ADAM32: variants seen among roughly 807,000 people sequenced by gnomAD.
The protein encoded by ADAM32 is ADAM metallopeptidase domain 32.
Under a neutral mutation model 114.9 loss-of-function variants are expected in ADAM32, and 89 were observed. The observed-to-expected ratio is 0.77, with a 90% CI of 0.65 to 0.92. The LOEUF (loss-of-function observed/expected upper bound fraction) is 0.92, where lower values mean the gene tolerates loss of function less well. ADAM32 is among the 40% of genes least tolerant of loss of function. The pLI, the probability that ADAM32 is intolerant of heterozygous loss-of-function variation, is 0.00. For synonymous variants in ADAM32, 285 were observed against 307.5 expected (o/e 0.93, Z 0.77); for missense variants, 870 against 932.8 (o/e 0.93, Z 0.88).
At chr8:39,243,377 T>A (rs1585627938) in intron 16 of ADAM32, among the ~76,000 whole-genome samples, 1 of 151,998 alleles carries the variant, frequency 6.6e-6, no homozygotes, top group African/African-American at 2.4e-5. Flanking sequence ...AAAATGCAAA[T>A]TTTCTCAACT....
Position 39,216,442 on chromosome 8 carries a change from GTTAT to G in ADAM32, c.1233+5121_1233+5124del, listed in dbSNP as rs1251155259. On this transcript the variant is annotated intron_variant, in intron 12 of 24. Coordinates refer to ENST00000379907, the MANE Select transcript of ADAM32 (RefSeq NM_145004.7). ...AATAAGAACTTCCTCCTGCCCTTTTGTTATTTGTCTTTCTTCTTCCTTTCCTTTC... is the reference window on the plus strand; with the variant it reads ...AATAAGAACTTCCTCCTGCCCTTTTGTTGTCTTTCTTCTTCCTTTCCTTTC... Among the ~76,000 whole-genome samples the G allele has an allele frequency of 9.2e-5, 14 of 151,844 alleles. No individual in the cohort carries two copies. In the East Asian group the frequency reaches 1.5e-3, roughly 17 times the overall value.
intron 1 of ADAM32, 139 bp downstream of exon 1, chr8:39,107,972 G>A: frequency 8.3e-7 from 1 of 1,205,530 alleles, no homozygotes; most frequent in Non-Finnish European, 1.1e-6. Context: ...AGGGGATTAG[G>A]CGCCCCGTCC....
chr8:39,190,076 C>T (rs548222196), intron 11 of ADAM32, among the ~76,000 whole-genome samples: 4 of 152,248 alleles, frequency 2.6e-5, no homozygotes, highest in South Asian at 2.1e-4. Context: ...CCTTGGCCTC[C>T]GAAAGTGTCT....
At chr8:39,118,789 C>T (rs1244070316) in intron 2 of ADAM32, among the ~76,000 whole-genome samples, 1 of 152,146 alleles carries the variant, frequency 6.6e-6, no homozygotes, top group African/African-American at 2.4e-5. Context: ...AGAGTTCACC[C>T]ATTTTAAGGG....
chr8:39,221,698 G>C lies in ADAM32; in HGVS notation c.1322G>C (p.Cys441Ser). 6.2e-7 allele frequency: 1 copy of C among 1,607,992 alleles called. No individual in the cohort carries two copies. ...TATAAAGGACTGTGCTGCAAAGACTGTCAAGTAAGATTTAAGCTTATGAAC... is the reference window on the plus strand; with the variant it reads ...TATAAAGGACTGTGCTGCAAAGACTCTCAAGTAAGATTTAAGCTTATGAAC... ...KCYKGLCCKD[C>S]QILQSGVECR... The change falls in exon 13 of 25, where the codon TGT becomes TCT. Residue 441 changes from cysteine (C) to serine (S), a missense_variant. Transcript: ENST00000379907.
At chr8:39,114,805 T>G (rs1290247810) in intron 1 of ADAM32, among the ~76,000 whole-genome samples, 1 of 152,246 alleles carries the variant, frequency 6.6e-6, no homozygotes, top group Non-Finnish European at 1.5e-5. Context: ...TATGTACAAA[T>G]GATTTCATTA....
chr8:39,128,583 G>C (rs1474512172), intron 2 of ADAM32, among the ~76,000 whole-genome samples: 1 of 152,142 alleles, frequency 6.6e-6, no homozygotes, highest in Non-Finnish European at 1.5e-5. Context: ...TTATTTTACA[G>C]ACTTGTTTAT....
At chr8:39,221,822 GATA>G (rs973981668) in intron 13 of ADAM32, 120 bp downstream of exon 13, 1 of 647,282 alleles carries the variant, frequency 1.5e-6, no homozygotes, top group African/African-American at 1.9e-5. Flanking sequence ...TAAAGAGAAA[GATA>G]ATAAATTCAG....
chr8:39,151,764 A>G (rs946111711), intron 6 of ADAM32, among the ~76,000 whole-genome samples: 4 of 150,710 alleles, frequency 2.7e-5, no homozygotes, highest in African/African-American at 9.8e-5. Context: ...TCTGGGCTCA[A>G]GCAATCCTCC....
intron 13 of ADAM32, 44 bp downstream of exon 13, chr8:39,221,746 C>A: frequency 6.9e-7 from 1 of 1,445,578 alleles, no homozygotes. Flanking sequence ...TATAACAAAT[C>A]ATGTGCAGGG....
chr8:39,217,668 T>C (rs903136052), intron 12 of ADAM32, among the ~76,000 whole-genome samples: 7 of 152,220 alleles, frequency 4.6e-5, no homozygotes, highest in Non-Finnish European at 8.8e-5. Flanking sequence ...CATTCTTCAG[T>C]AGGTCAATTG....
chr8:39,198,077 G>GT (rs898835552), intron 11 of ADAM32, among the ~76,000 whole-genome samples: 66 of 151,308 alleles, frequency 4.4e-4, no homozygotes, highest in African/African-American at 1.4e-3. Context: ...TAATGACTTG[G>GT]TTTTTTTTAT....
intron 2 of ADAM32, among the ~76,000 whole-genome samples, 177 bp downstream of exon 2, chr8:39,118,342 T>C (rs570529617): frequency 6.6e-6 from 1 of 152,252 alleles, no homozygotes; most frequent in Admixed American, 6.5e-5. Flanking sequence ...TGTTCTGTAT[T>C]TTTTTAATGT....
At chr8:39,250,373 C>T (rs1340944671) in intron 17 of ADAM32, among the ~76,000 whole-genome samples, 1 of 151,702 alleles carries the variant, frequency 6.6e-6, no homozygotes, top group African/African-American at 2.4e-5. Flanking sequence ...ACGGGCCCAT[C>T]AAAAGCATTC....
intron 10 of ADAM32, among the ~76,000 whole-genome samples, chr8:39,185,217 A>T (rs1301844601): frequency 2.0e-5 from 3 of 151,356 alleles, no homozygotes; most frequent in Admixed American, 6.6e-5. Flanking sequence ...GTGAGCCAAG[A>T]TCATGCCATT....
intron 1 of ADAM32, chr8:39,108,073 C>T (rs1313004384): frequency 4.2e-6 from 2 of 470,652 alleles, no homozygotes; most frequent in Non-Finnish European, 3.6e-6. Context: ...TGTTTGACCT[C>T]GGAGTTGGAG....
In ADAM32 at chr8:39,274,327, C is replaced by T. The variant is rs947128524; in HGVS notation, c.2217C>T (p.Gly739=). The T allele has an allele frequency of 1.2e-6, 2 of 1,613,244 alleles. No individual in the cohort carries two copies. Among genetic ancestry groups the T allele is most frequent in the South Asian group, 1.1e-5 (1 of 90,910 alleles). Residue 739 remains glycine, a synonymous_variant, in exon 21 of 25, where the codon GGC becomes GGT. Coordinates refer to ENST00000379907, the MANE Select transcript of ADAM32 (RefSeq NM_145004.7). ...TTTTTTTTAGATCCAGCTCAGAAGG[C>T]AGCACTCAGACATATGCCAGCCAGT... The part of the protein sequence containing the change: ...QTYASQSSSE[G]STQTYASQTR...
intron 18 of ADAM32, among the ~76,000 whole-genome samples, chr8:39,255,387 T>G (rs1024239679): frequency 3.3e-5 from 5 of 151,948 alleles, no homozygotes; most frequent in African/African-American, 1.2e-4. Flanking sequence ...CATGCCAACA[T>G]CTATTATTTT....
chr8:39,141,716 C>A (rs541611510), intron 3 of ADAM32, among the ~76,000 whole-genome samples: 2 of 152,170 alleles, frequency 1.3e-5, no homozygotes, highest in African/African-American at 4.8e-5. Context: ...CCACTTGGTC[C>A]GGAGCTGAGT....
Sources: gnomAD v4.1 joint callset for allele counts (sites outside exome capture counted in the v4.1 genomes callset) on GRCh38, gnomAD v4.1.1 for gene constraint, MANE v1.5 for transcripts, NCBI Gene and HGNC (gene_info 2026-07-23, HGNC 2026-07-21) for gene names.